The following C4orf50 variants were observed in gnomAD, a reference collection of about 807,000 sequenced individuals.
The protein encoded by C4orf50 is uncharacterized protein C4orf50.
Under a neutral mutation model 77.2 loss-of-function variants are expected in C4orf50, and 80 were observed. The observed-to-expected ratio is 1.04, with a 90% CI of 0.87 to 1.25. The LOEUF is 1.25. Ranked by LOEUF, C4orf50 falls within the 50% of genes most tolerant of loss-of-function variation. The pLI is 0.00. For missense variants in C4orf50, 1,257 were observed against 1,152.9 expected, an observed-to-expected ratio of 1.09 and a Z score of -1.31; for synonymous variants, 532 against 465.3, an observed-to-expected ratio of 1.14 and a Z score of -1.84.
In C4orf50 at chr4:5,967,413, C is replaced by T. The variant is rs776680140; in HGVS notation, c.4153+1G>A. 1.2e-5 allele frequency: 19 copies of T among 1,612,928 alleles called. No individual in the cohort carries two copies. The East Asian group carries it at 3.6e-4, about 30-fold the overall frequency. On this transcript the variant is annotated splice_donor_variant, in intron 32 of 33. Transcript: ENST00000531445. LOFTEE classifies it high-confidence loss of function. The stretch of plus-strand genomic sequence containing the variant: ...TTTTCCTGATCAAAAATCACACTGA[C>T]CTCTTAAAGCTGCCGTCATCTCAGA...
In C4orf50 at chr4:5,943,364, C is replaced by T. The variant is rs28412086; in HGVS notation, c.*2474+13537G>A. On this transcript the variant is annotated intron_variant, in intron 7 of 7. Coordinates refer to the C4orf50 transcript ENST00000324058. ...TCCCAGGGGTTCACATTTGGAATAG[C>T]CACATTTAATTTTTAGATTTTACTG... 6.6e-3 allele frequency among the ~76,000 whole-genome samples: 1,003 copies of T among 152,284 alleles called. 16 individuals carry two copies. The highest frequency in any genetic ancestry group is 0.023 in the African/African-American group (966 of 41,548).
rs140278704 is a variant in C4orf50 at position 5,927,884 on chromosome 4, G to A, written c.*2474+29017C>T. Among the ~76,000 whole-genome samples, 126 of 152,148 alleles carry A rather than the reference G, an allele frequency of 8.3e-4. 1 individual carries two copies. Among genetic ancestry groups the A allele is most frequent in the Non-Finnish European group, 1.2e-4 (8 of 68,012 alleles). On this transcript the variant is annotated intron_variant, in intron 7 of 7. Transcript: ENST00000324058. The stretch of plus-strand genomic sequence containing the variant: ...CTCCTCCAGGAAACCTTCCCCAAAT[G>A]CACTGCCAATCCCCTCCCCAACACC...
At position 6,017,766 on chromosome 4, in the gene C4orf50, T is replaced by C. The variant is rs957396074; in HGVS notation, c.287+379A>G. ...AACCGACCAACTGGATTTGTCTGCCTCTGTCCTTGGTTTCTCAGTTCCTTC... is the reference window on the plus strand; with the variant it reads ...AACCGACCAACTGGATTTGTCTGCCCCTGTCCTTGGTTTCTCAGTTCCTTC... On this transcript the variant is annotated intron_variant, in intron 23 of 33. Coordinates refer to ENST00000531445, the Ensembl canonical transcript of C4orf50. The surrounding 1 kb of genome is among the most constrained non-coding windows in gnomAD (Gnocchi z 4.7). Among the ~76,000 whole-genome samples, 9 of 152,188 alleles carry C rather than the reference T, an allele frequency of 5.9e-5. No homozygotes were observed. Among genetic ancestry groups the C allele is most frequent in the African/African-American group, 2.2e-4 (9 of 41,456 alleles).
chr4:5,916,214 A>G lies in C4orf50; in HGVS notation c.*2475-18026T>C, dbSNP rs1280024943. Among the ~76,000 whole-genome samples, 1 of 152,180 alleles carries G rather than the reference A, an allele frequency of 6.6e-6. No individual in the cohort carries two copies. The highest frequency in any genetic ancestry group is 1.5e-5 in the Non-Finnish European group (1 of 68,020). On this transcript the variant is annotated intron_variant, in intron 7 of 7. Transcript: ENST00000324058. This position sits in a 1 kb window ranked among gnomAD's most constrained non-coding sequence, Gnocchi z 4.4. Reference sequence around the variant, plus strand: ...TCCTGGCTTCCCTCACTGGACAGGGAACAGACGCACCAACAGCTCCTGGTT... The same window carrying G: ...TCCTGGCTTCCCTCACTGGACAGGGGACAGACGCACCAACAGCTCCTGGTT...
At chr4:5,997,868 T>G (rs988328410) in intron 25 of C4orf50, among the ~76,000 whole-genome samples, 1 of 152,248 alleles carries the variant, frequency 6.6e-6, no homozygotes, top group African/African-American at 2.4e-5. Context: ...GTGTGGTTTT[T>G]ATAGCTAACT....
chr4:5,938,781 GTTTT>G (rs71635952), intron 7 of C4orf50, among the ~76,000 whole-genome samples: 189 of 130,128 alleles, frequency 1.5e-3, no homozygotes, highest in African/African-American at 5.2e-3. Flanking sequence ...TGTGATGTCA[GTTTT>G]TTTTCTTTTC....
At chr4:5,903,386 G>T (rs1716419027) in intron 7 of C4orf50, 2 of 152,176 alleles carry the variant, frequency 1.3e-5, no homozygotes, top group Non-Finnish European at 2.9e-5. Flanking sequence ...CAAAAAGGTG[G>T]AAGCCACCCT....
chr4:5,928,461 G>C (rs962478112), intron 7 of C4orf50, among the ~76,000 whole-genome samples: 7 of 152,176 alleles, frequency 4.6e-5, no homozygotes, highest in African/African-American at 1.7e-4. Context: ...TCGTGGAGCA[G>C]ATGATGAAAG....
intron 29 of C4orf50, 52 bp downstream of exon 7, chr4:5,980,122 C>G (rs68010642): frequency 6.7e-7 from 1 of 1,494,052 alleles, no homozygotes; most frequent in Non-Finnish European, 9.0e-7. Context: ...CAAAACGCCC[C>G]GGGGTGTGGG....
exon 33 of C4orf50, chr4:5,965,046 G>C (rs1482282563): frequency 6.2e-7 from 1 of 1,613,332 alleles, no homozygotes; most frequent in Non-Finnish European, 8.5e-7. Flanking sequence ...CAGTTGGGCT[G>C]TCTGTGCTGG....
intron 25 of C4orf50, among the ~76,000 whole-genome samples, chr4:6,005,239 C>G (rs1184981984): frequency 6.6e-6 from 1 of 152,176 alleles, no homozygotes; most frequent in Non-Finnish European, 1.5e-5. Flanking sequence ...TGATGAGAGA[C>G]CGAGGCAGAA....
chr4:5,973,640 G>A lies in C4orf50; in HGVS notation c.4104+19C>T, dbSNP rs1247180863. On this transcript the variant is annotated intron_variant, in intron 31 of 33. Coordinates refer to ENST00000531445, the Ensembl canonical transcript of C4orf50. Reference sequence around the variant, plus strand: ...CACTCCCATAGGAAGCACAGACAGGGCCATCTCTGGGACTCTACCTCTGGG... The same window carrying A: ...CACTCCCATAGGAAGCACAGACAGGACCATCTCTGGGACTCTACCTCTGGG... 6.3e-7 allele frequency: 1 copy of A among 1,595,614 alleles called. No homozygotes were observed. The highest frequency in any genetic ancestry group is 8.6e-7 in the Non-Finnish European group (1 of 1,167,202).
At position 5,947,449 on chromosome 4, in the gene C4orf50, T is replaced by C. The variant is rs146867402; in HGVS notation, c.*2474+9452A>G. 2.3e-3 allele frequency among the ~76,000 whole-genome samples: 349 copies of C among 152,352 alleles called. 1 individual carries two copies. Among genetic ancestry groups the C allele is most frequent in the African/African-American group, 8.0e-3 (332 of 41,572 alleles). ...GAAAAGACCTCAATAATTGTGATGC[T>C]TGGGGCACCTTGGGGAAAAAGAATG... On this transcript the variant is annotated intron_variant, in intron 7 of 7. Transcript: ENST00000324058.
At chr4:5,920,640 C>T (rs897179987) in intron 7 of C4orf50, among the ~76,000 whole-genome samples, 1 of 150,562 alleles carries the variant, frequency 6.6e-6, no homozygotes, top group Non-Finnish European at 1.5e-5. Context: ...CCATGCCCTG[C>T]TAATTTTTGT....
chr4:5,925,504 T>C (rs575128718), intron 7 of C4orf50, among the ~76,000 whole-genome samples: 2 of 152,308 alleles, frequency 1.3e-5, no homozygotes, highest in East Asian at 3.9e-4. Flanking sequence ...ACGGTACCAG[T>C]GGACAAGGAC....
chr4:5,964,993 T>G (rs1719485723), intron 33 of C4orf50, 31 bp downstream of exon 11: 2 of 1,599,896 alleles, frequency 1.3e-6, no homozygotes, highest in African/African-American at 2.7e-5. Flanking sequence ...CAAAGTTCAT[T>G]TAGGAAATGA....
chr4:6,008,273 C>G lies in C4orf50; in HGVS notation c.686G>C (p.Gly229Ala), dbSNP rs142273130. 1 of 391,964 alleles carries G rather than the reference C, an allele frequency of 2.6e-6. No homozygotes were observed. Among genetic ancestry groups the G allele is most frequent in the South Asian group, 1.3e-4 (1 of 7,818 alleles). 24.3% of individuals were successfully genotyped at this position (391,964 alleles called of 1,614,324 possible). A position where few individuals can be genotyped will look rare whatever the true frequency, so the allele number is the denominator to read the frequency against. ...AGCCGCCTCGGTGGCGCCCTGGGAG[C>G]CTGGGGCCGCGGTGTCCCACTGGGC... The change falls in exon 25 of 34, where the codon GGC becomes GCC. Residue 229 changes from glycine to alanine, a missense_variant. Coordinates refer to ENST00000531445, the Ensembl canonical transcript of C4orf50. The surrounding 1 kb of genome is among the most constrained non-coding windows in gnomAD (Gnocchi z 6.0).
exon 29 of C4orf50, chr4:5,980,311 C>T (rs1720509183): frequency 6.2e-7 from 1 of 1,612,012 alleles, no homozygotes; most frequent in Non-Finnish European, 8.5e-7. Flanking sequence ...GGATCCTCCT[C>T]AGTAACCTCG....
chr4:5,950,174 C>A (rs1480996968), intron 7 of C4orf50, among the ~76,000 whole-genome samples: 1 of 152,082 alleles, frequency 6.6e-6, no homozygotes, highest in African/African-American at 2.4e-5. Flanking sequence ...AGTGCGAAGA[C>A]CTTATTAACA....
Sources: gnomAD v4.1 joint callset for allele counts (sites outside exome capture counted in the v4.1 genomes callset) on GRCh38, gnomAD v4.1.1 for gene constraint, Gnocchi (gnomAD v3.1) non-coding constraint, MANE v1.5 for transcripts, NCBI Gene and HGNC (gene_info 2026-07-23, HGNC 2026-07-21) for gene names.